TTL: variants seen among roughly 807,000 people sequenced by gnomAD.
TTL encodes tubulin--tyrosine ligase.
TTL carries 10 observed loss-of-function variants against 41.1 expected under a neutral mutation model. That is an observed-to-expected ratio of 0.24 (90% CI 0.15 to 0.41). The LOEUF (loss-of-function observed/expected upper bound fraction) is 0.41. TTL is among the 10% of genes least tolerant of loss of function. TTL has a pLI of 1.00. For synonymous variants in TTL, 175 were observed against 175.5 expected (o/e 1.00, Z 0.02); for missense variants, 367 against 460.4 (o/e 0.80, Z 1.86).
chr2:112,495,826 C>G (rs1230040359), intron 3 of TTL, among the ~76,000 whole-genome samples: 3 of 151,500 alleles, frequency 2.0e-5, no homozygotes, highest in African/African-American at 7.3e-5. Flanking sequence ...GGTGACAGAA[C>G]AAGACTCCTT....
At chr2:112,513,580 T>G (rs1427014845) in intron 5 of TTL, among the ~76,000 whole-genome samples, 2 of 149,712 alleles carry the variant, frequency 1.3e-5, no homozygotes, top group Non-Finnish European at 3.0e-5. Flanking sequence ...CATATAAATA[T>G]TTATACAAGT....
In TTL at chr2:112,533,063, C is replaced by T. The variant is rs1682542347; in HGVS notation, c.*4268C>T. ...TTTCATTAATGCAAATTGTTATTAA[C>T]TTGTAACTTCTTGTGCAATAAGGCT... On this transcript the variant is annotated 3_prime_UTR_variant, in exon 7 of 7. Coordinates refer to ENST00000233336, the MANE Select transcript of TTL (RefSeq NM_153712.5). The T allele has an allele frequency of 1.3e-5, 2 of 152,200 alleles. No homozygotes were observed. The allele number at this position is 152,200 out of a possible 1,614,324, so 9.4% of individuals were successfully genotyped here. A position where few individuals can be genotyped will look rare whatever the true frequency, so the allele number is the denominator to read the frequency against.
At position 112,529,679 on chromosome 2, in the gene TTL, T is replaced by C. The variant is rs1682459139; in HGVS notation, c.*884T>C. On this transcript the variant is annotated 3_prime_UTR_variant, in exon 7 of 7. Coordinates refer to ENST00000233336, the MANE Select transcript of TTL (RefSeq NM_153712.5). ...AACCTCTTTGAGGATGAGGAGTCAG[T>C]AAAATTCCACTCCCCAAGTGGCCCT... 1 of 222,512 alleles carries C rather than the reference T, an allele frequency of 4.5e-6. No individual in the cohort carries two copies. The highest frequency in any genetic ancestry group is 9.0e-6 in the Non-Finnish European group (1 of 111,360). 13.8% of individuals were successfully genotyped at this position (222,512 alleles called of 1,614,324 possible).
intron 5 of TTL, among the ~76,000 whole-genome samples, chr2:112,519,157 T>C (rs1414718087): frequency 6.6e-6 from 1 of 152,206 alleles, no homozygotes; most frequent in East Asian, 1.9e-4. Flanking sequence ...TCTGGGATAG[T>C]TGTAGATAAG....
chr2:112,494,394 C>A lies in TTL; in HGVS notation c.469+19C>A. The A allele has an allele frequency of 6.3e-7, 1 of 1,579,462 alleles. No homozygotes were observed. Among genetic ancestry groups the A allele is most frequent in the Non-Finnish European group, 8.7e-7 (1 of 1,151,966 alleles). On this transcript the variant is annotated intron_variant, in intron 3 of 6. Coordinates refer to ENST00000233336, the MANE Select transcript of TTL (RefSeq NM_153712.5). The stretch of plus-strand genomic sequence containing the variant: ...GCCAAAGGTGAGTTGGCACTGCTGT[C>A]CCCTTCTCTATTCCTGGTAAGTTGC...
At chr2:112,498,712 T>C (rs1187044660) in intron 3 of TTL, among the ~76,000 whole-genome samples, 5 of 152,012 alleles carry the variant, frequency 3.3e-5, no homozygotes, top group Non-Finnish European at 7.4e-5. Flanking sequence ...GAGACCAGGC[T>C]GGCCAACATG....
At position 112,482,710 on chromosome 2, in the gene TTL, C is replaced by A. The variant is rs1379582380; in HGVS notation, c.157+209C>A. 6.6e-6 allele frequency among the ~76,000 whole-genome samples: 1 copy of A among 152,244 alleles called. No homozygotes were observed. Among genetic ancestry groups the A allele is most frequent in the African/African-American group, 2.4e-5 (1 of 41,474 alleles). The stretch of plus-strand genomic sequence containing the variant: ...TAACTTGGATTTAGAGTCGGAGTCG[C>A]GGTGCGGCCACTCGGGGCCGCAGCT... On this transcript the variant is annotated intron_variant, in intron 1 of 6. Coordinates refer to ENST00000233336, the MANE Select transcript of TTL (RefSeq NM_153712.5). This position sits in a 1 kb window ranked among gnomAD's most constrained non-coding sequence, Gnocchi z 5.3.
chr2:112,494,050 C>A, intron 2 of TTL, 93 bp from the exon 3 acceptor site: 1 of 929,896 alleles, frequency 1.1e-6, no homozygotes, highest in Non-Finnish European at 1.6e-6. Flanking sequence ...GCTTTGCCTC[C>A]CGGAAAGTCT....
chr2:112,513,635 G>A (rs28542310), intron 5 of TTL, among the ~76,000 whole-genome samples: 62,632 of 148,716 alleles, frequency 0.42, 13,383 homozygotes, highest in East Asian at 0.58. Context: ...ATACAAGTAT[G>A]AATATTTATA....
intron 3 of TTL, among the ~76,000 whole-genome samples, chr2:112,496,776 C>G (rs1341771361): frequency 6.9e-6 from 1 of 144,560 alleles, no homozygotes; most frequent in South Asian, 2.2e-4. Context: ...GGCATGATCT[C>G]AGTTCACTAC....
chr2:112,516,422 TC>T (rs1457397114), intron 5 of TTL, among the ~76,000 whole-genome samples: 1 of 152,172 alleles, frequency 6.6e-6, no homozygotes, highest in Non-Finnish European at 1.5e-5. Flanking sequence ...ACACCTGTAA[TC>T]CTAGCACTTT....
intron 3 of TTL, among the ~76,000 whole-genome samples, chr2:112,499,144 C>T (rs1208092087): frequency 6.6e-6 from 1 of 152,092 alleles, no homozygotes; most frequent in Non-Finnish European, 1.5e-5. Context: ...GAAACCCCAT[C>T]TCTACTAAGA....
chr2:112,518,720 G>C (rs941015824), intron 5 of TTL, among the ~76,000 whole-genome samples: 2 of 150,324 alleles, frequency 1.3e-5, no homozygotes, highest in Non-Finnish European at 3.0e-5. Flanking sequence ...TTTCACCCAG[G>C]CTGGAGTGAA....
At chr2:112,517,312 A>G (rs1365606457) in intron 5 of TTL, among the ~76,000 whole-genome samples, 4 of 152,020 alleles carry the variant, frequency 2.6e-5, no homozygotes, top group Non-Finnish European at 4.4e-5. Context: ...CAGTGGCGCA[A>G]TCTCATCTCA....
chr2:112,499,347 G>GAA (rs1438499493), intron 3 of TTL, among the ~76,000 whole-genome samples: 1 of 152,136 alleles, frequency 6.6e-6, no homozygotes, highest in Non-Finnish European at 1.5e-5. Flanking sequence ...AGAGAACTCA[G>GAA]AAATAGACCA....
At chr2:112,484,263 T>C (rs1463423661) in intron 1 of TTL, among the ~76,000 whole-genome samples, 1 of 151,504 alleles carries the variant, frequency 6.6e-6, no homozygotes, top group Admixed American at 6.6e-5. Context: ...GTTTTGTTTT[T>C]TGTTTGTCTG....
At chr2:112,485,852 A>G in intron 1 of TTL, 65 bp from the exon 2 acceptor site, 1 of 1,380,254 alleles carries the variant, frequency 7.2e-7, no homozygotes, top group Non-Finnish European at 9.9e-7. Flanking sequence ...TGGGCATGAC[A>G]CAGCTGTCCT....
chr2:112,509,396 C>G (rs969295511), intron 5 of TTL, among the ~76,000 whole-genome samples: 16 of 152,174 alleles, frequency 1.1e-4, no homozygotes, highest in Admixed American at 2.0e-4. Context: ...GGGCAATGGC[C>G]GGCGCCCCTC....
In TTL at chr2:112,540,435, A is replaced by AC. The variant is rs1043715688; in HGVS notation, c.*11640_*11641insC. The AC allele has an allele frequency of 2.4e-5, 1 of 42,222 alleles. No homozygotes were observed. Among genetic ancestry groups the AC allele is most frequent in the African/African-American group, 3.7e-5 (1 of 26,734 alleles). 2.6% of individuals were successfully genotyped at this position (42,222 alleles called of 1,614,324 possible). On this transcript the variant is annotated 3_prime_UTR_variant, in exon 7 of 7. Transcript: ENST00000233336. ...CTCTGTCTCAAAAAAACAAAAAACA[A>AC]AAAAAAAAAAAAAAGAGAAAGAAAT...
Sources: allele counts gnomAD v4.1 joint callset (sites outside exome capture counted in the v4.1 genomes callset), GRCh38; gene constraint gnomAD v4.1.1; non-coding constraint Gnocchi (gnomAD v3.1); transcripts MANE v1.5; gene names NCBI Gene and HGNC (gene_info 2026-07-23, HGNC 2026-07-21).